The following HMCN1 variants were observed in gnomAD, a reference collection of about 807,000 sequenced individuals.
HMCN1 encodes the protein hemicentin-1.
Under a neutral mutation model 625.9 loss-of-function variants are expected in HMCN1, and 321 were observed. The ratio of observed to expected loss-of-function variants is 0.51; its 90% CI spans 0.47 to 0.56. The LOEUF (loss-of-function observed/expected upper bound fraction) is 0.56, where lower values mean the gene tolerates loss of function less well. Ranked by LOEUF, HMCN1 falls within the 20% of genes least tolerant of loss-of-function variation. The probability of loss-of-function intolerance (pLI) is 0.00; values close to 1 mark genes in which losing one functional copy is unlikely to be tolerated. For synonymous variants in HMCN1, 2,425 were observed against 2,417.6 expected (o/e 1.00, Z -0.09); for missense variants, 6,588 against 6,887.3 (o/e 0.96, Z 1.54).
intron 55 of HMCN1, 62 bp downstream of exon 55, chr1:186,078,282 G>A: frequency 8.4e-7 from 1 of 1,194,548 alleles, no homozygotes; most frequent in Admixed American, 1.9e-5. Context: ...AGGAACTAAT[G>A]TTTGCAGGAT....
intron 11 of HMCN1, among the ~76,000 whole-genome samples, chr1:185,951,716 C>A (rs1437240404): frequency 6.6e-6 from 1 of 151,796 alleles, no homozygotes; most frequent in East Asian, 1.9e-4. Flanking sequence ...GAATCCCGGG[C>A]TGAGGGCATT....
At chr1:186,114,388 G>A (rs1039115862) in intron 73 of HMCN1, among the ~76,000 whole-genome samples, 1 of 152,006 alleles carries the variant, frequency 6.6e-6, no homozygotes. Flanking sequence ...TCCCAAGTAA[G>A]CTGAGATTAA....
intron 67 of HMCN1, among the ~76,000 whole-genome samples, chr1:186,094,737 T>C (rs1173846223): frequency 6.6e-6 from 1 of 152,188 alleles, no homozygotes; most frequent in East Asian, 1.9e-4. Flanking sequence ...CATGTGCATA[T>C]ATGCATGTGT....
At chr1:185,854,777 T>G (rs749896681) in intron 2 of HMCN1, among the ~76,000 whole-genome samples, 1 of 152,200 alleles carries the variant, frequency 6.6e-6, no homozygotes, top group Non-Finnish European at 1.5e-5. Flanking sequence ...TCTTATAATG[T>G]GATGTCTTTG....
chr1:186,098,480 C>T (rs1437072262), intron 68 of HMCN1, among the ~76,000 whole-genome samples: 1 of 151,866 alleles, frequency 6.6e-6, no homozygotes, highest in Non-Finnish European at 1.5e-5. Flanking sequence ...AAATCAAAAC[C>T]AAAATGAGAT....
chr1:186,048,769 T>A lies in HMCN1; in HGVS notation c.6507T>A (p.Thr2169=). The A allele has an allele frequency of 6.2e-7, 1 of 1,610,894 alleles. No homozygotes were observed. The highest frequency in any genetic ancestry group is 1.7e-4 in the Middle Eastern group (1 of 6,028). ...TTGAAGATGCTCAGGTTCAAGACAC[T>A]GGTCGTTACACTTGTGAAGCAACAA... ...LKIEDAQVQD[T]GRYTCEATNV... The change falls in exon 42 of 107, where the codon ACT becomes ACA. Residue 2169 remains threonine (T), a synonymous_variant. Transcript: ENST00000271588.
chr1:186,183,106 G>C (rs1256663662), intron 105 of HMCN1, among the ~76,000 whole-genome samples: 1 of 152,080 alleles, frequency 6.6e-6, no homozygotes, highest in Non-Finnish European at 1.5e-5. Flanking sequence ...GTATTATGTG[G>C]GTCTTAATAA....
At chr1:186,095,590 T>C in intron 68 of HMCN1, 69 bp downstream of exon 68, 1 of 1,500,286 alleles carries the variant, frequency 6.7e-7, no homozygotes, top group Middle Eastern at 1.8e-4. Flanking sequence ...AGTAAATAAG[T>C]ATAATTCTGA....
chr1:185,889,918 C>A (rs534858367), intron 4 of HMCN1, among the ~76,000 whole-genome samples: 1 of 147,868 alleles, frequency 6.8e-6, no homozygotes, highest in Non-Finnish European at 1.5e-5. Context: ...TGGTAGAATT[C>A]GGCTGTGAAT....
At chr1:186,160,841 G>C (rs372448627) in intron 97 of HMCN1, among the ~76,000 whole-genome samples, 60 of 150,366 alleles carry the variant, frequency 4.0e-4, no homozygotes, top group East Asian at 1.6e-3. Context: ...TTACTTCCAA[G>C]TATGTGGTCA....
chr1:186,155,273 C>T (rs949687311), intron 97 of HMCN1, among the ~76,000 whole-genome samples: 2 of 152,112 alleles, frequency 1.3e-5, no homozygotes, highest in Non-Finnish European at 1.5e-5. Context: ...GAGGTAATCA[C>T]AGATTCACGA....
At chr1:186,187,756 G>C (rs904622074) in intron 105 of HMCN1, 127 bp from the exon 106 acceptor site, 1 of 1,257,460 alleles carries the variant, frequency 8.0e-7, no homozygotes, top group African/African-American at 1.5e-5. Flanking sequence ...GGTTAGGTAT[G>C]ACTAAGTTCA....
intron 20 of HMCN1, among the ~76,000 whole-genome samples, chr1:185,989,127 C>G (rs1652212555): frequency 2.0e-5 from 3 of 151,260 alleles, no homozygotes; most frequent in Admixed American, 2.0e-4. Flanking sequence ...CCTGCCTCAG[C>G]CTCCCGAGTA....
intron 4 of HMCN1, among the ~76,000 whole-genome samples, chr1:185,890,107 T>G (rs918749218): frequency 6.6e-6 from 1 of 151,888 alleles, no homozygotes; most frequent in East Asian, 1.9e-4. Context: ...TAGAGGTGTT[T>G]GTAGTATTCT....
At chr1:186,034,943 A>G (rs1176871492) in intron 36 of HMCN1, among the ~76,000 whole-genome samples, 1 of 152,084 alleles carries the variant, frequency 6.6e-6, no homozygotes, top group Non-Finnish European at 1.5e-5. Context: ...GAAATTGCCA[A>G]CCCATTCCAT....
At chr1:186,055,954 C>CA (rs1178037566) in intron 45 of HMCN1, among the ~76,000 whole-genome samples, 2 of 152,072 alleles carry the variant, frequency 1.3e-5, no homozygotes, top group African/African-American at 4.8e-5. Context: ...AATGCTATCC[C>CA]AAGTAAAATC....
chr1:186,003,953 T>C, intron 29 of HMCN1, 109 bp downstream of exon 29: 1 of 1,034,802 alleles, frequency 9.7e-7, no homozygotes, highest in Non-Finnish European at 1.5e-6. Flanking sequence ...AGAATATTAT[T>C]AAATGAGCAT....
intron 35 of HMCN1, among the ~76,000 whole-genome samples, chr1:186,020,450 C>T (rs1332235080): frequency 6.6e-6 from 1 of 151,940 alleles, no homozygotes; most frequent in Non-Finnish European, 1.5e-5. Flanking sequence ...TTTTTAATTC[C>T]TATTCCAAAT....
chr1:185,991,047 A>G (rs1044809351), intron 22 of HMCN1, among the ~76,000 whole-genome samples: 5 of 152,166 alleles, frequency 3.3e-5, no homozygotes, highest in Non-Finnish European at 7.3e-5. Flanking sequence ...CATATTTCCT[A>G]TTTATAAAAT....
Sources: gnomAD v4.1 joint callset for allele counts (sites outside exome capture counted in the v4.1 genomes callset) on GRCh38, gnomAD v4.1.1 for gene constraint, MANE v1.5 for transcripts, NCBI Gene and HGNC (gene_info 2026-07-23, HGNC 2026-07-21) for gene names.